The following CALML3 variants were observed in gnomAD, a reference collection of about 807,000 sequenced individuals.
CALML3 encodes the protein calmodulin-like protein 3.
For synonymous variants in CALML3, 98 were observed against 89.9 expected (o/e 1.09, Z -0.51); for missense variants, 198 against 214.1 (o/e 0.92, Z 0.47).
Position 5,525,487 on chromosome 10 carries a change from C to A in CALML3, c.402C>A (p.Asp134Glu), listed in dbSNP as rs780035147. The stretch of plus-strand genomic sequence containing the variant: ...TCCGGGCCGCGGACACGGACGGAGA[C>A]GGACAGGTGAACTACGAGGAGTTTG... ...EMIRAADTDG[D>E]GQVNYEEFVR... is the part of the protein sequence containing the mutation. The change falls in exon 1 of 1, where the codon GAC (aspartate) becomes GAA (glutamate). Residue 134 changes from aspartate (D) to glutamate (E), a missense_variant. Transcript: ENST00000315238. 6.2e-6 allele frequency: 10 copies of A among 1,612,620 alleles called. No individual in the cohort carries two copies. In the South Asian group the frequency reaches 7.7e-5, roughly 12 times the overall value.
rs781538898 is a variant in CALML3, at chr10:5,525,553, C to A, written c.*18C>A. Reference sequence around the variant, plus strand: ...CCAAGTGAGGCCGGCGCCCACCATGCTCCTGGGCGCCCACGCGGCCCACAG... The same window carrying A: ...CCAAGTGAGGCCGGCGCCCACCATGATCCTGGGCGCCCACGCGGCCCACAG... On this transcript the variant is annotated 3_prime_UTR_variant, in exon 1 of 1. Transcript: ENST00000315238. The A allele has an allele frequency of 2.6e-6, 4 of 1,563,430 alleles. No individual in the cohort carries two copies. The highest frequency in any genetic ancestry group is 1.3e-5 in the African/African-American group (1 of 74,078).
Position 5,525,760 on chromosome 10 carries a change from C to T in CALML3, c.*225C>T, listed in dbSNP as rs1833577941. On this transcript the variant is annotated 3_prime_UTR_variant, in exon 1 of 1. Transcript: ENST00000315238. Reference sequence around the variant, plus strand: ...TGAATGACACGGAACGCTCCCACTGCAGGCAAACCGTGACGCCCTCCCCAC... The same window carrying T: ...TGAATGACACGGAACGCTCCCACTGTAGGCAAACCGTGACGCCCTCCCCAC... 2 of 1,427,382 alleles carry T rather than the reference C, an allele frequency of 1.4e-6. No individual in the cohort carries two copies. The highest frequency in any genetic ancestry group is 1.8e-6 in the Non-Finnish European group (2 of 1,086,914). 88.4% of individuals were successfully genotyped at this position (1,427,382 alleles called of 1,614,324 possible). A position where few individuals can be genotyped will look rare whatever the true frequency, so the allele number is the denominator to read the frequency against.
Position 5,525,690 on chromosome 10 carries a change from C to T in CALML3, c.*155C>T, listed in dbSNP as rs902770118. 6.2e-6 allele frequency: 9 copies of T among 1,448,532 alleles called. No individual in the cohort carries two copies. The highest frequency in any genetic ancestry group is 8.2e-6 in the Non-Finnish European group (9 of 1,099,104). The allele number at this position is 1,448,532 out of a possible 1,614,324, so 89.7% of individuals were successfully genotyped here. ...GCCCACCTCTCTGCATCCCGCTTCC[C>T]GCGTCTCTTCTCTGCACTCCTGCCG... On this transcript the variant is annotated 3_prime_UTR_variant, in exon 1 of 1. Coordinates refer to ENST00000315238, the MANE Select transcript of CALML3 (RefSeq NM_005185.4).
In CALML3 at chr10:5,525,712, G is replaced by A; in HGVS notation, c.*177G>A. On this transcript the variant is annotated 3_prime_UTR_variant, in exon 1 of 1. Coordinates refer to ENST00000315238, the MANE Select transcript of CALML3 (RefSeq NM_005185.4). ...TCCCGCGTCTCTTCTCTGCACTCCT[G>A]CCGACCTTCCCACCTGCTCGTCTGA... 6.9e-7 allele frequency: 1 copy of A among 1,445,476 alleles called. No individual in the cohort carries two copies. Among genetic ancestry groups the A allele is most frequent in the Non-Finnish European group, 9.1e-7 (1 of 1,097,226 alleles). The allele number at this position is 1,445,476 out of a possible 1,614,324, so 89.5% of individuals were successfully genotyped here. A position where few individuals can be genotyped will look rare whatever the true frequency, so the allele number is the denominator to read the frequency against.
chr10:5,525,715 G>T lies in CALML3; in HGVS notation c.*180G>T. ...CGCGTCTCTTCTCTGCACTCCTGCC[G>T]ACCTTCCCACCTGCTCGTCTGAATG... On this transcript the variant is annotated 3_prime_UTR_variant, in exon 1 of 1. Coordinates refer to ENST00000315238, the MANE Select transcript of CALML3 (RefSeq NM_005185.4). 2 of 1,446,424 alleles carry T rather than the reference G, an allele frequency of 1.4e-6. No individual in the cohort carries two copies. Among genetic ancestry groups the T allele is most frequent in the Non-Finnish European group, 1.8e-6 (2 of 1,098,142 alleles). 89.6% of individuals were successfully genotyped at this position (1,446,424 alleles called of 1,614,324 possible).
Position 5,525,253 on chromosome 10 carries a change from C to A in CALML3, c.168C>A (p.Ile56=). 6.2e-7 allele frequency: 1 copy of A among 1,613,858 alleles called. No homozygotes were observed. Residue 56 remains isoleucine (I), a synonymous_variant, in exon 1 of 1, where the codon ATC becomes ATA. Coordinates refer to ENST00000315238, the MANE Select transcript of CALML3 (RefSeq NM_005185.4). ...EAELRDMMSE[I]DRDGNGTVDF... ...AGCTGCGGGACATGATGAGTGAGAT[C>A]GACCGGGACGGCAACGGCACCGTGG...
chr10:5,525,233 C>A lies in CALML3; in HGVS notation c.148C>A (p.Arg50=), dbSNP rs1011051689. Residue 50 remains arginine, a synonymous_variant, in exon 1 of 1, where the codon CGG becomes AGG. Coordinates refer to ENST00000315238, the MANE Select transcript of CALML3 (RefSeq NM_005185.4). ...CCAGAACCCCACGGAGGCCGAGCTG[C>A]GGGACATGATGAGTGAGATCGACCG... The part of the protein sequence containing the change: ...LGQNPTEAEL[R]DMMSEIDRDG... The A allele has an allele frequency of 1.2e-6, 2 of 1,613,896 alleles. No individual in the cohort carries two copies. The highest frequency in any genetic ancestry group is 2.2e-5 in the South Asian group (2 of 91,064).
Position 5,525,226 on chromosome 10 carries a change from CGAGCTGCGG to C in CALML3, c.144_152del (p.Glu48_Arg50del), listed in dbSNP as rs1833564535. 6.2e-7 allele frequency: 1 copy of C among 1,613,814 alleles called. No individual in the cohort carries two copies. Among genetic ancestry groups the C allele is most frequent in the Non-Finnish European group, 8.5e-7 (1 of 1,179,994 alleles). On this transcript the variant is annotated inframe_deletion, in exon 1 of 1. Coordinates refer to ENST00000315238, the MANE Select transcript of CALML3 (RefSeq NM_005185.4). Reference sequence around the variant, plus strand: ...CCCTGGGCCAGAACCCCACGGAGGCCGAGCTGCGGGACATGATGAGTGAGATCGACCGGG... The same window carrying C: ...CCCTGGGCCAGAACCCCACGGAGGCCGACATGATGAGTGAGATCGACCGGG...
chr10:5,525,003 G>A lies in CALML3; in HGVS notation c.-83G>A, dbSNP rs1045553993. 9.2e-7 allele frequency: 1 copy of A among 1,083,794 alleles called. No homozygotes were observed. Among genetic ancestry groups the A allele is most frequent in the African/African-American group, 1.6e-5 (1 of 63,892 alleles). 67.1% of individuals were successfully genotyped at this position (1,083,794 alleles called of 1,614,324 possible). Reference sequence around the variant, plus strand: ...GCCCGGATCTCCACCTGCCACCCCAGAGCTGGGACAGCAGCCGGGCTGCGG... The same window carrying A: ...GCCCGGATCTCCACCTGCCACCCCAAAGCTGGGACAGCAGCCGGGCTGCGG... On this transcript the variant is annotated 5_prime_UTR_variant, in exon 1 of 1. Coordinates refer to ENST00000315238, the MANE Select transcript of CALML3 (RefSeq NM_005185.4).
In CALML3 at chr10:5,525,792, GA is replaced by G; in HGVS notation, c.*259del. ...ACCGTGACGCCCTCCCCACTCGGGA[GA>G]AGCAGAGCTGACCTTAGGACCGAGC... On this transcript the variant is annotated 3_prime_UTR_variant, in exon 1 of 1. Transcript: ENST00000315238. 7.2e-7 allele frequency: 1 copy of G among 1,396,258 alleles called. No individual in the cohort carries two copies. Among genetic ancestry groups the G allele is most frequent in the Non-Finnish European group, 9.4e-7 (1 of 1,067,376 alleles). The allele number at this position is 1,396,258 out of a possible 1,614,324, so 86.5% of individuals were successfully genotyped here.
Position 5,525,117 on chromosome 10 carries a change from C to T in CALML3, c.32C>T (p.Thr11Ile). 1 of 1,610,734 alleles carries T rather than the reference C, an allele frequency of 6.2e-7. No homozygotes were observed. Among genetic ancestry groups the T allele is most frequent in the Non-Finnish European group, 8.5e-7 (1 of 1,177,702 alleles). Residue 11 changes from threonine (T) to isoleucine (I), a missense_variant, in exon 1 of 1, where the codon ACA (threonine) becomes ATA (isoleucine). Physicochemically the swap from Thr to Ile is moderately conservative, Grantham distance 89. Coordinates refer to ENST00000315238, the MANE Select transcript of CALML3 (RefSeq NM_005185.4). ...GACCAGCTGACTGAGGAGCAGGTCACAGAATTCAAGGAGGCCTTCTCCCTG... is the reference window on the plus strand; with the variant it reads ...GACCAGCTGACTGAGGAGCAGGTCATAGAATTCAAGGAGGCCTTCTCCCTG... MADQLTEEQVTEFKEAFSLFD... is the reference protein window; with the variant it reads MADQLTEEQVIEFKEAFSLFD...
chr10:5,525,365 G>A lies in CALML3; in HGVS notation c.280G>A (p.Asp94Asn), dbSNP rs1295608007. The A allele has an allele frequency of 1.2e-6, 2 of 1,613,892 alleles. No homozygotes were observed. Among genetic ancestry groups the A allele is most frequent in the East Asian group, 2.2e-5 (1 of 44,864 alleles). ...GATCCGCGAGGCCTTCCGCGTGTTC[G>A]ACAAGGACGGCAACGGCTTCGTCAG... ...EEIREAFRVF[D>N]KDGNGFVSAA... Residue 94 changes from aspartate (D) to asparagine (N), a missense_variant, in exon 1 of 1, where the codon GAC (aspartate) becomes AAC (asparagine). Transcript: ENST00000315238.
Position 5,524,981 on chromosome 10 carries a change from C to T in CALML3, c.-105C>T. 4 of 834,926 alleles carry T rather than the reference C, an allele frequency of 4.8e-6. No homozygotes were observed. Among genetic ancestry groups the T allele is most frequent in the Non-Finnish European group, 7.4e-6 (4 of 540,806 alleles). The allele number at this position is 834,926 out of a possible 1,614,324, so 51.7% of individuals were successfully genotyped here. A position where few individuals can be genotyped will look rare whatever the true frequency, so the allele number is the denominator to read the frequency against. On this transcript the variant is annotated 5_prime_UTR_variant, in exon 1 of 1. Coordinates refer to ENST00000315238, the MANE Select transcript of CALML3 (RefSeq NM_005185.4). ...AGGGCGAGACAGCCCGCCGGCCGCC[C>T]GGATCTCCACCTGCCACCCCAGAGC... is the stretch of plus-strand genomic sequence containing the variant.
chr10:5,525,364 C>T lies in CALML3; in HGVS notation c.279C>T (p.Phe93=), dbSNP rs1443348079. 25 of 1,613,792 alleles carry T rather than the reference C, an allele frequency of 1.5e-5. No homozygotes were observed. The highest frequency in any genetic ancestry group is 1.9e-5 in the Non-Finnish European group (23 of 1,180,006). Residue 93 remains phenylalanine (F), a synonymous_variant, in exon 1 of 1, where the codon TTC becomes TTT. Transcript: ENST00000315238. ...EEEIREAFRV[F]DKDGNGFVSA... is the part of the protein sequence containing the mutation. ...AGATCCGCGAGGCCTTCCGCGTGTT[C>T]GACAAGGACGGCAACGGCTTCGTCA...
rs1423248519 is a variant in CALML3, at chr10:5,525,488, G to A, written c.403G>A (p.Gly135Arg). Residue 135 changes from glycine to arginine, a missense_variant, in exon 1 of 1, where the codon GGA becomes AGA. Coordinates refer to ENST00000315238, the MANE Select transcript of CALML3 (RefSeq NM_005185.4). ...CCGGGCCGCGGACACGGACGGAGAC[G>A]GACAGGTGAACTACGAGGAGTTTGT... is the stretch of plus-strand genomic sequence containing the variant. The part of the protein sequence containing the change: ...MIRAADTDGD[G>R]QVNYEEFVRV... The A allele has an allele frequency of 9.9e-6, 16 of 1,612,344 alleles. No homozygotes were observed. The South Asian group carries it at 1.2e-4, about 12-fold the overall frequency.
chr10:5,525,183 T>C lies in CALML3; in HGVS notation c.98T>C (p.Leu33Pro). Reference protein sequence around the residue: ...DGDGCITTRELGTVMRSLGQN... With the variant: ...DGDGCITTREPGTVMRSLGQN... The stretch of plus-strand genomic sequence containing the variant: ...GACGGCTGCATCACCACCCGCGAGC[T>C]GGGCACGGTCATGCGGTCCCTGGGC... The change falls in exon 1 of 1, where the codon CTG (leucine) becomes CCG (proline). Residue 33 changes from leucine (L) to proline (P), a missense_variant. Physicochemically the swap from Leu to Pro is moderately conservative, Grantham distance 98. Coordinates refer to ENST00000315238, the MANE Select transcript of CALML3 (RefSeq NM_005185.4). The C allele has an allele frequency of 6.2e-7, 1 of 1,613,840 alleles. No individual in the cohort carries two copies. The highest frequency in any genetic ancestry group is 2.2e-5 in the East Asian group (1 of 44,856).
In CALML3 at chr10:5,525,274, C is replaced by A. The variant is rs1435741205; in HGVS notation, c.189C>A (p.Thr63=). 6.2e-7 allele frequency: 1 copy of A among 1,613,936 alleles called. No homozygotes were observed. Among genetic ancestry groups the A allele is most frequent in the Non-Finnish European group, 8.5e-7 (1 of 1,179,984 alleles). The change falls in exon 1 of 1, where the codon ACC becomes ACA. Residue 63 remains threonine (T), a synonymous_variant. Coordinates refer to ENST00000315238, the MANE Select transcript of CALML3 (RefSeq NM_005185.4). The stretch of plus-strand genomic sequence containing the variant: ...AGATCGACCGGGACGGCAACGGCAC[C>A]GTGGACTTCCCCGAGTTCCTGGGCA... The part of the protein sequence containing the change: ...MSEIDRDGNG[T]VDFPEFLGMM...
In CALML3 at chr10:5,525,632, C is replaced by A. The variant is rs1833576458; in HGVS notation, c.*97C>A. ...CCCCCATCCCCCTGCCTCCCCTGGG[C>A]ACTGTGGCTTCCTCCTGCGCCTGGT... On this transcript the variant is annotated 3_prime_UTR_variant, in exon 1 of 1. Coordinates refer to ENST00000315238, the MANE Select transcript of CALML3 (RefSeq NM_005185.4). The A allele has an allele frequency of 8.6e-7, 1 of 1,162,808 alleles. No homozygotes were observed. Among genetic ancestry groups the A allele is most frequent in the Non-Finnish European group, 1.2e-6 (1 of 837,470 alleles). 72.0% of individuals were successfully genotyped at this position (1,162,808 alleles called of 1,614,324 possible). A position where few individuals can be genotyped will look rare whatever the true frequency, so the allele number is the denominator to read the frequency against.
In CALML3 at chr10:5,526,515, C is replaced by G. The variant is rs942281110; in HGVS notation, c.*980C>G. 1 of 167,040 alleles carries G rather than the reference C, an allele frequency of 6.0e-6. No individual in the cohort carries two copies. The highest frequency in any genetic ancestry group is 2.4e-5 in the African/African-American group (1 of 41,418). The allele number at this position is 167,040 out of a possible 1,614,324, so 10.3% of individuals were successfully genotyped here. On this transcript the variant is annotated 3_prime_UTR_variant, in exon 1 of 1. Coordinates refer to ENST00000315238, the MANE Select transcript of CALML3 (RefSeq NM_005185.4). Reference sequence around the variant, plus strand: ...GGACTTGAAAGACCTGAGTCCATTACGTTGAGAAGGGACCTGCTGATTGCT... The same window carrying G: ...GGACTTGAAAGACCTGAGTCCATTAGGTTGAGAAGGGACCTGCTGATTGCT...
Sources: allele counts gnomAD v4.1 joint callset, GRCh38; gene constraint gnomAD v4.1.1; transcripts MANE v1.5; gene names NCBI Gene and HGNC (gene_info 2026-07-23, HGNC 2026-07-21).